INPP4B: variants seen among roughly 807,000 people sequenced by gnomAD.
The protein encoded by INPP4B is inositol polyphosphate-4-phosphatase type II B, also known as inositol polyphosphate 4-phosphatase type II.
A neutral mutation model predicts 122.5 loss-of-function variants in INPP4B; 55 were observed. That is an observed-to-expected ratio of 0.45 (90% CI 0.36 to 0.56). The LOEUF (loss-of-function observed/expected upper bound fraction) is 0.56, where lower values mean the gene tolerates loss of function less well. INPP4B is among the 20% of genes least tolerant of loss of function. The probability of loss-of-function intolerance (pLI) is 0.00; values close to 1 mark genes in which losing one functional copy is unlikely to be tolerated. For synonymous variants in INPP4B, 403 were observed against 388.7 expected (o/e 1.04, Z -0.43); for missense variants, 1,000 against 1,097.7 (o/e 0.91, Z 1.26).
intron 7 of INPP4B, among the ~76,000 whole-genome samples, chr4:142,386,426 T>C (rs1579919439): frequency 6.6e-6 from 1 of 152,178 alleles, no homozygotes; most frequent in Non-Finnish European, 1.5e-5. Context: ...AAATAGGGCC[T>C]GAAAAGGACT....
intron 12 of INPP4B, among the ~76,000 whole-genome samples, chr4:142,213,533 C>T (rs554006083): frequency 3.5e-4 from 54 of 152,200 alleles, no homozygotes; most frequent in Middle Eastern, 3.4e-3. Context: ...CCACTGGACA[C>T]GTGACAATGT....
chr4:142,800,103 C>A (rs1015206547), intron 1 of INPP4B, among the ~76,000 whole-genome samples: 1 of 151,962 alleles, frequency 6.6e-6, no homozygotes, highest in African/African-American at 2.4e-5. Flanking sequence ...GATTCTTTGA[C>A]TTATATAAAA....
intron 2 of INPP4B, among the ~76,000 whole-genome samples, chr4:142,677,876 G>A (rs995273428): frequency 3.9e-5 from 6 of 151,956 alleles, no homozygotes. Flanking sequence ...AGCATTAGGA[G>A]AAATACCTAG....
At chr4:142,270,610 C>A (rs1745286433) in intron 10 of INPP4B, 53 bp downstream of exon 10, 10 of 1,248,054 alleles carry the variant, frequency 8.0e-6, no homozygotes, top group Non-Finnish European at 9.4e-6. Context: ...AGACATCTGG[C>A]AAAGCTGATC....
At chr4:142,431,783 C>G (rs1033513175) in intron 3 of INPP4B, among the ~76,000 whole-genome samples, 1 of 152,002 alleles carries the variant, frequency 6.6e-6, no homozygotes, top group East Asian at 1.9e-4. Flanking sequence ...TAGAATTGCC[C>G]TTTATGCTCA....
At chr4:142,677,024 G>A (rs1045247818) in intron 2 of INPP4B, among the ~76,000 whole-genome samples, 6 of 152,054 alleles carry the variant, frequency 3.9e-5, no homozygotes, top group Non-Finnish European at 8.8e-5. Flanking sequence ...CTTCTGCACA[G>A]CAAAAGAAAC....
At chr4:142,625,385 G>A (rs1188096387) in intron 2 of INPP4B, among the ~76,000 whole-genome samples, 2 of 152,124 alleles carry the variant, frequency 1.3e-5, no homozygotes, top group East Asian at 1.9e-4. Flanking sequence ...ATTCACAATT[G>A]CTTCAAAGTG....
At chr4:142,401,723 G>A (rs1801653415) in intron 7 of INPP4B, among the ~76,000 whole-genome samples, 1 of 152,026 alleles carries the variant, frequency 6.6e-6, no homozygotes, top group African/African-American at 2.4e-5. Context: ...GATGAAACAA[G>A]GGAACCAAGA....
intron 2 of INPP4B, among the ~76,000 whole-genome samples, chr4:142,656,118 G>A (rs962095400): frequency 6.6e-6 from 1 of 152,110 alleles, no homozygotes; most frequent in African/African-American, 2.4e-5. Context: ...TTTGCAGCAG[G>A]GAGGAGCCTG....
intron 5 of INPP4B, among the ~76,000 whole-genome samples, chr4:142,425,743 C>T (rs1384331326): frequency 6.6e-6 from 1 of 151,984 alleles, no homozygotes; most frequent in African/African-American, 2.4e-5. Flanking sequence ...CCAGTGGCCT[C>T]GTCTTTCTGT....
At chr4:142,400,055 A>G (rs1157281457) in intron 7 of INPP4B, among the ~76,000 whole-genome samples, 1 of 152,250 alleles carries the variant, frequency 6.6e-6, no homozygotes, top group Non-Finnish European at 1.5e-5. Context: ...GAGGAGCACA[A>G]GAACAACTAG....
In INPP4B at chr4:142,238,890, C is replaced by T. The variant is rs114738156; in HGVS notation, c.689-879G>A. Among the ~76,000 whole-genome samples, 739 of 152,228 alleles carry T rather than the reference C, an allele frequency of 4.9e-3. 13 individuals carry two copies. Among genetic ancestry groups the T allele is most frequent in the African/African-American group, 0.016 (679 of 41,562 alleles). Reference sequence around the variant, plus strand: ...GCAATGAATGCCTATGTCACACTTACACACCAAAGCTTAGTGGGCAACAAA... The same window carrying T: ...GCAATGAATGCCTATGTCACACTTATACACCAAAGCTTAGTGGGCAACAAA... On this transcript the variant is annotated intron_variant, in intron 11 of 25. Transcript: ENST00000262992.
At chr4:142,503,696 A>G (rs971377410) in intron 2 of INPP4B, among the ~76,000 whole-genome samples, 1 of 152,108 alleles carries the variant, frequency 6.6e-6, no homozygotes, top group African/African-American at 2.4e-5. Flanking sequence ...AATCATAGCC[A>G]ATAAAATCAT....
chr4:142,135,808 T>C (rs1803844619), intron 18 of INPP4B, among the ~76,000 whole-genome samples: 1 of 152,096 alleles, frequency 6.6e-6, no homozygotes, highest in Non-Finnish European at 1.5e-5. Context: ...TTAATGTTTG[T>C]TTGTTTGAGA....
At chr4:142,152,097 G>T (rs1241045504) in intron 17 of INPP4B, among the ~76,000 whole-genome samples, 1 of 103,254 alleles carries the variant, frequency 9.7e-6, no homozygotes. Flanking sequence ...TTTTTTTGAC[G>T]GAGTCTCGCT....
chr4:142,714,126 G>A (rs1402662226), intron 2 of INPP4B, among the ~76,000 whole-genome samples: 2 of 152,184 alleles, frequency 1.3e-5, no homozygotes, highest in Admixed American at 1.3e-4. Context: ...AAAATTACAG[G>A]AGGGAGATAT....
intron 2 of INPP4B, among the ~76,000 whole-genome samples, chr4:142,487,496 A>C (rs1315533487): frequency 1.3e-5 from 2 of 152,066 alleles, no homozygotes; most frequent in East Asian, 3.8e-4. Flanking sequence ...AGCCCCCCAA[A>C]ATCTGTCAGT....
At chr4:142,628,350 G>T (rs1451003043) in intron 2 of INPP4B, among the ~76,000 whole-genome samples, 18 of 140,346 alleles carry the variant, frequency 1.3e-4, no homozygotes, top group Non-Finnish European at 1.7e-4. Flanking sequence ...TCATAGGTGG[G>T]AACTGAACAA....
intron 2 of INPP4B, among the ~76,000 whole-genome samples, chr4:142,475,325 A>G (rs138345575): frequency 6.6e-6 from 1 of 152,242 alleles, no homozygotes; most frequent in African/African-American, 2.4e-5. Context: ...AAACAAAACA[A>G]ACAAAAAAAC....
Sources: gnomAD v4.1 joint callset for allele counts (sites outside exome capture counted in the v4.1 genomes callset) on GRCh38, gnomAD v4.1.1 for gene constraint, MANE v1.5 for transcripts, NCBI Gene and HGNC (gene_info 2026-07-23, HGNC 2026-07-21) for gene names.